The following EBF1 variants were observed in gnomAD, a reference collection of about 807,000 sequenced individuals.
The protein encoded by EBF1 is transcription factor COE1.
EBF1 carries 10 observed loss-of-function variants against 68.4 expected under a neutral mutation model. The observed-to-expected ratio is 0.15, with a 90% CI of 0.09 to 0.25. EBF1 has a LOEUF of 0.25. Ranked by LOEUF, EBF1 falls within the 10% of genes least tolerant of loss-of-function variation. The pLI is 1.00. For synonymous variants in EBF1, 298 were observed against 299.8 expected (o/e 0.99, Z 0.06); for missense variants, 509 against 794.4 (o/e 0.64, Z 4.32).
chr5:158,912,754 C>A (rs1583109378), intron 6 of EBF1, among the ~76,000 whole-genome samples: 1 of 152,276 alleles, frequency 6.6e-6, no homozygotes, highest in East Asian at 1.9e-4. Context: ...ATGCCTAATT[C>A]CACCTCATTA....
intron 7 of EBF1, among the ~76,000 whole-genome samples, chr5:158,824,854 G>A (rs956548592): frequency 3.3e-5 from 5 of 152,198 alleles, no homozygotes; most frequent in Non-Finnish European, 5.9e-5. Context: ...GGCAAAATAC[G>A]ATGAATTTCC....
intron 6 of EBF1, among the ~76,000 whole-genome samples, chr5:159,008,780 G>T (rs1484537403): frequency 6.6e-6 from 1 of 151,944 alleles, no homozygotes; most frequent in Non-Finnish European, 1.5e-5. Context: ...GACGTGATTC[G>T]CCCACCTTGG....
chr5:158,857,948 A>G (rs1794341633), intron 6 of EBF1, among the ~76,000 whole-genome samples: 4 of 152,170 alleles, frequency 2.6e-5, no homozygotes, highest in Admixed American at 2.6e-4. Context: ...ACTTTCCTTA[A>G]CACAACTTTT....
intron 11 of EBF1, among the ~76,000 whole-genome samples, chr5:158,715,452 T>C (rs1432934149): frequency 6.6e-6 from 1 of 152,216 alleles, no homozygotes; most frequent in East Asian, 1.9e-4. Context: ...CTCTATAATA[T>C]AAGATAAAGT....
intron 4 of EBF1, among the ~76,000 whole-genome samples, chr5:159,092,336 C>T (rs1781796947): frequency 1.3e-5 from 2 of 152,160 alleles, no homozygotes; most frequent in Admixed American, 1.3e-4. Context: ...CTCTTATTTT[C>T]TAGTTGGTGG....
chr5:158,978,002 C>T (rs994866505), intron 6 of EBF1, among the ~76,000 whole-genome samples: 9 of 152,246 alleles, frequency 5.9e-5, no homozygotes, highest in African/African-American at 2.2e-4. Flanking sequence ...GCCTCACACC[C>T]ACACGGTCTA....
intron 7 of EBF1, among the ~76,000 whole-genome samples, chr5:158,831,373 G>A (rs1333423945): frequency 6.6e-6 from 1 of 152,112 alleles, no homozygotes; most frequent in African/African-American, 2.4e-5. Context: ...TTAGTCATAG[G>A]AATACGTGGT....
At chr5:158,743,448 C>G (rs1766870036) in intron 10 of EBF1, among the ~76,000 whole-genome samples, 1 of 152,024 alleles carries the variant, frequency 6.6e-6, no homozygotes, top group African/African-American at 2.4e-5. Context: ...TTGCTAAGAG[C>G]AGGTAGAGAG....
intron 10 of EBF1, among the ~76,000 whole-genome samples, chr5:158,765,052 AG>A (rs1446539376): frequency 6.6e-6 from 1 of 152,234 alleles, no homozygotes; most frequent in Non-Finnish European, 1.5e-5. Context: ...ATTATGATGA[AG>A]AAGAGACACA....
intron 6 of EBF1, among the ~76,000 whole-genome samples, chr5:159,020,353 A>G (rs552601686): frequency 2.6e-5 from 4 of 152,246 alleles, no homozygotes; most frequent in Non-Finnish European, 5.9e-5. Flanking sequence ...GGGTAGCACA[A>G]TGTCTTACCC....
chr5:158,932,451 A>C (rs189894904), intron 6 of EBF1, among the ~76,000 whole-genome samples: 29 of 152,334 alleles, frequency 1.9e-4, no homozygotes, highest in Admixed American at 3.3e-4. Context: ...ATAAAATAAA[A>C]GAGTAGAAAA....
At chr5:158,984,521 G>A (rs1758590139) in intron 6 of EBF1, among the ~76,000 whole-genome samples, 1 of 152,040 alleles carries the variant, frequency 6.6e-6, no homozygotes, top group South Asian at 2.1e-4. Flanking sequence ...TAGTAAGAGT[G>A]CCGTTTTCAA....
At chr5:158,987,412 T>G (rs180921606) in intron 6 of EBF1, among the ~76,000 whole-genome samples, 6 of 152,362 alleles carry the variant, frequency 3.9e-5, no homozygotes, top group Non-Finnish European at 7.3e-5. Context: ...CATAGAATCT[T>G]AAGCCCTTGG....
At chr5:158,775,783 GACACAC>G (rs58752245) in intron 10 of EBF1, among the ~76,000 whole-genome samples, 25,861 of 129,350 alleles carry the variant, frequency 0.2, 2,464 homozygotes, top group Middle Eastern at 0.28. Context: ...CATGCACACA[GACACAC>G]ACACACACAC....
At position 158,698,198 on chromosome 5, in the gene EBF1, G is replaced by A. The variant is rs1282503086; in HGVS notation, c.*913C>T. 1.4e-5 allele frequency: 3 copies of A among 221,474 alleles called. No individual in the cohort carries two copies. The highest frequency in any genetic ancestry group is 6.5e-5 in the East Asian group (1 of 15,390). The allele number at this position is 221,474 out of a possible 1,614,324, so 13.7% of individuals were successfully genotyped here. ...ACGTGAGGTTTTGGCTTGTTAACTG[G>A]AGGGCAGAGTGTGGAATTCTGTGCC... On this transcript the variant is annotated 3_prime_UTR_variant, in exon 16 of 16. Transcript: ENST00000313708.
chr5:158,851,696 G>A lies in EBF1; in HGVS notation c.555-11586C>T, dbSNP rs1328111204. 2.7e-5 allele frequency among the ~76,000 whole-genome samples: 3 copies of A among 110,282 alleles called. No homozygotes were observed. The Admixed American group carries it at 2.7e-4, about 10-fold the overall frequency. The allele number at this position is 110,282 out of a possible 152,430, so 72.3% of individuals were successfully genotyped here. ...AAGGGAAGTAGGGAGGAGAAGTAAA[G>A]GGAAGGAAAGGGTAGAAGGGAAGGA... On this transcript the variant is annotated intron_variant, in intron 6 of 15. Transcript: ENST00000313708.
chr5:158,718,310 C>T (rs949298319), intron 11 of EBF1, among the ~76,000 whole-genome samples: 4 of 152,174 alleles, frequency 2.6e-5, no homozygotes, highest in Non-Finnish European at 1.5e-5. Flanking sequence ...TCATCTCTCC[C>T]TATGTATTTG....
At chr5:158,783,037 G>A (rs907669156) in intron 9 of EBF1, among the ~76,000 whole-genome samples, 2 of 151,986 alleles carry the variant, frequency 1.3e-5, no homozygotes, top group African/African-American at 4.8e-5. Flanking sequence ...AAAAAAAAAG[G>A]TTTAAAAATT....
intron 5 of EBF1, among the ~76,000 whole-genome samples, chr5:159,078,175 G>T (rs1464981392): frequency 6.6e-6 from 1 of 152,182 alleles, no homozygotes; most frequent in East Asian, 1.9e-4. Context: ...AGCAGAGTGA[G>T]GACCTCTCCT....
Sources: gnomAD v4.1 joint callset for allele counts (sites outside exome capture counted in the v4.1 genomes callset) on GRCh38, gnomAD v4.1.1 for gene constraint, MANE v1.5 for transcripts, NCBI Gene and HGNC (gene_info 2026-07-23, HGNC 2026-07-21) for gene names.